MYO18B: variants seen among roughly 807,000 people sequenced by gnomAD.
MYO18B encodes the protein unconventional myosin-XVIIIb.
MYO18B carries 204 observed loss-of-function variants against 273.0 expected under a neutral mutation model. The observed-to-expected ratio is 0.75, with a 90% CI of 0.67 to 0.84. The LOEUF (loss-of-function observed/expected upper bound fraction) is 0.84, where lower values mean the gene tolerates loss of function less well. Among genes scored for constraint, MYO18B ranks in the 40% least tolerant of loss-of-function variants. MYO18B has a pLI of 0.00. For synonymous variants in MYO18B, 1,330 were observed against 1,305.7 expected, an observed-to-expected ratio of 1.02 and a Z score of -0.40; for missense variants, 3,212 against 3,287.6, an observed-to-expected ratio of 0.98 and a Z score of 0.56.
chr22:25,906,119 T>C (rs1465504306), intron 31 of MYO18B, among the ~76,000 whole-genome samples: 1 of 152,204 alleles, frequency 6.6e-6, no homozygotes. Context: ...TTCATCCGTC[T>C]TCAGCTTCAC....
Position 25,772,469 on chromosome 22 carries a change from G to T in MYO18B, c.1828G>T (p.Val610Phe), listed in dbSNP as rs1249535960. ...LHTCTGPDLI[V>F]LQPRGPSVPS... ...CACCTGCACAGGGCCTGATCTGATTGTCCTCCAGCCCCGGGGGCCCTCGGT... is the reference window on the plus strand; with the variant it reads ...CACCTGCACAGGGCCTGATCTGATTTTCCTCCAGCCCCGGGGGCCCTCGGT... Residue 610 changes from valine to phenylalanine, a missense_variant, in exon 7 of 44, where the codon GTC (valine) becomes TTC (phenylalanine). By Grantham distance (50) the Val-to-Phe change is conservative. Coordinates refer to ENST00000335473, the MANE Select transcript of MYO18B (RefSeq NM_032608.7). The T allele has an allele frequency of 4.3e-6, 7 of 1,613,854 alleles. No individual in the cohort carries two copies. Among genetic ancestry groups the T allele is most frequent in the Non-Finnish European group, 5.9e-6 (7 of 1,179,906 alleles).
In MYO18B at chr22:25,947,778, C is replaced by T; in HGVS notation, c.5698C>T (p.Gln1900Ter). ...ADLLKRIDED[Q>*]DDLNELMQKH... ...CCTCCTGAAGCGCATCGATGAGGAC[C>T]AGGATGACCTGAATGAGCTGATGCA... The change falls in exon 36 of 44, where the codon CAG becomes TAG. Residue 1900 changes from glutamine (Q) to a stop codon, truncating the protein, a stop_gained. Coordinates refer to ENST00000335473, the MANE Select transcript of MYO18B (RefSeq NM_032608.7). LOFTEE classifies it high-confidence loss of function. 6.2e-7 allele frequency: 1 copy of T among 1,613,840 alleles called. No homozygotes were observed. Among genetic ancestry groups the T allele is most frequent in the Non-Finnish European group, 8.5e-7 (1 of 1,179,874 alleles).
At chr22:25,851,440 C>G in intron 20 of MYO18B, 30 bp from the exon 21 acceptor site, 1 of 1,464,520 alleles carries the variant, frequency 6.8e-7, no homozygotes, top group Non-Finnish European at 9.4e-7. Context: ...GGACTCTGTG[C>G]TCTTCTCCTG....
intron 12 of MYO18B, among the ~76,000 whole-genome samples, chr22:25,817,351 TTC>T (rs2089071985): frequency 6.6e-6 from 1 of 150,792 alleles, no homozygotes; most frequent in Non-Finnish European, 1.5e-5. Context: ...CTCTCTTTCT[TTC>T]TTTCTCTCTC....
At chr22:25,891,038 T>C (rs142584806) in intron 26 of MYO18B, among the ~76,000 whole-genome samples, 163 bp downstream of exon 26, 219 of 152,334 alleles carry the variant, frequency 1.4e-3, no homozygotes, top group African/African-American at 5.1e-3. Context: ...CTCCTAAGGC[T>C]TGGCCTTGGG....
intron 1 of MYO18B, among the ~76,000 whole-genome samples, chr22:25,748,951 G>T (rs150355558): frequency 5.9e-4 from 90 of 152,250 alleles, no homozygotes; most frequent in African/African-American, 2.0e-3. Flanking sequence ...ATGGAATCAT[G>T]AGTCTCTTTT....
chr22:25,867,582 A>G (rs887348598), intron 21 of MYO18B, among the ~76,000 whole-genome samples: 5 of 152,130 alleles, frequency 3.3e-5, no homozygotes, highest in African/African-American at 1.2e-4. Context: ...TAATGCTGCT[A>G]TGAACACAAA....
At position 25,792,497 on chromosome 22, in the gene MYO18B, C is replaced by CTTTTTTTTTTTTTTTTTTT. The variant is rs58679561; in HGVS notation, c.2377-5440_2377-5439insTTTTTTTTTTTTTTTTTTT. ...GTGATGTTTCTTTTTTTTTTCTTTT[C>CTTTTTTTTTTTTTTTTTTT]TTTTTTTTTTTTTTTTGAGACAGAG... On this transcript the variant is annotated intron_variant, in intron 11 of 43. Coordinates refer to ENST00000335473, the MANE Select transcript of MYO18B (RefSeq NM_032608.7). Among the ~76,000 whole-genome samples, 14 of 107,952 alleles carry CTTTTTTTTTTTTTTTTTTT rather than the reference C, an allele frequency of 1.3e-4. 1 individual carries two copies. Among genetic ancestry groups the CTTTTTTTTTTTTTTTTTTT allele is most frequent in the East Asian group, 3.1e-4 (1 of 3,208 alleles). The allele number at this position is 107,952 out of a possible 152,430, so 70.8% of individuals were successfully genotyped here.
chr22:25,869,474 G>A lies in MYO18B; in HGVS notation c.3951+1089G>A, dbSNP rs6004806. ...CAAAAAAAAAAAAAAAAAAAAAAAA[G>A]AAGGAAGGAAGGAAGGAAGGAGGGA... On this transcript the variant is annotated intron_variant, in intron 22 of 43. Transcript: ENST00000335473. 4.2e-3 allele frequency among the ~76,000 whole-genome samples: 397 copies of A among 93,530 alleles called. 3 individuals carry two copies. The highest frequency in any genetic ancestry group is 0.011 in the East Asian group (26 of 2,404). The allele number at this position is 93,530 out of a possible 152,430, so 61.4% of individuals were successfully genotyped here. A position where few individuals can be genotyped will look rare whatever the true frequency, so the allele number is the denominator to read the frequency against.
intron 20 of MYO18B, among the ~76,000 whole-genome samples, chr22:25,849,549 G>A (rs1272509225): frequency 2.0e-5 from 3 of 152,132 alleles, no homozygotes; most frequent in Admixed American, 2.0e-4. Context: ...CTACGTACTA[G>A]ACACTGTGTT....
chr22:25,764,116 T>G (rs1023267358), intron 3 of MYO18B, among the ~76,000 whole-genome samples: 3 of 152,226 alleles, frequency 2.0e-5, no homozygotes, highest in African/African-American at 7.2e-5. Context: ...GGAACCTCAG[T>G]ACCTTCCTCC....
At chr22:25,798,740 A>AT (rs112054980) in intron 12 of MYO18B, among the ~76,000 whole-genome samples, 2,937 of 151,650 alleles carry the variant, frequency 0.019, 120 homozygotes, top group African/African-American at 0.067. Context: ...ATATTTTTTT[A>AT]TTTTTTTGTA....
At chr22:26,006,055 T>C (rs923463287) in intron 42 of MYO18B, among the ~76,000 whole-genome samples, 1 of 152,244 alleles carries the variant, frequency 6.6e-6, no homozygotes, top group Non-Finnish European at 1.5e-5. Context: ...ACTTTATCTC[T>C]TCTGAAAACT....
At position 25,846,086 on chromosome 22, in the gene MYO18B, C is replaced by T. The variant is rs189613821; in HGVS notation, c.3369-14C>T. 289 of 1,512,404 alleles carry T rather than the reference C, an allele frequency of 1.9e-4. No individual in the cohort carries two copies. Among genetic ancestry groups the T allele is most frequent in the Non-Finnish European group, 1.8e-4 (207 of 1,134,988 alleles). 93.7% of individuals were successfully genotyped at this position (1,512,404 alleles called of 1,614,324 possible). ...CTCCTAAAGCTCCTCTCTCTTTTCC[C>T]TCCTCCCCACCAGAGAGGAGCTGCG... On this transcript the variant is annotated splice_polypyrimidine_tract_variant and intron_variant, in intron 18 of 43. Coordinates refer to ENST00000335473, the MANE Select transcript of MYO18B (RefSeq NM_032608.7).
At chr22:25,806,352 C>G (rs5761229) in intron 12 of MYO18B, among the ~76,000 whole-genome samples, 3,228 of 152,304 alleles carry the variant, frequency 0.021, 75 homozygotes, top group East Asian at 0.1. Flanking sequence ...CAGGTGGCTC[C>G]TGGGCTTAGT....
chr22:25,873,626 G>C (rs1009220742), intron 22 of MYO18B, among the ~76,000 whole-genome samples: 1 of 152,122 alleles, frequency 6.6e-6, no homozygotes, highest in African/African-American at 2.4e-5. Flanking sequence ...TTTTAGTAGA[G>C]ACGGAGTTTC....
At chr22:25,860,714 T>C (rs1011054644) in intron 21 of MYO18B, among the ~76,000 whole-genome samples, 6 of 152,196 alleles carry the variant, frequency 3.9e-5, no homozygotes, top group African/African-American at 1.2e-4. Context: ...TACTTTTAAA[T>C]TTATTTTTGT....
chr22:25,960,150 A>G (rs943609036), intron 39 of MYO18B, among the ~76,000 whole-genome samples: 2 of 152,128 alleles, frequency 1.3e-5, no homozygotes, highest in South Asian at 2.1e-4. Flanking sequence ...AAAAAGAAAA[A>G]TGAGGTTTTC....
intron 17 of MYO18B, among the ~76,000 whole-genome samples, chr22:25,840,787 T>C (rs1322421711): frequency 1.3e-5 from 2 of 152,112 alleles, no homozygotes; most frequent in Non-Finnish European, 2.9e-5. Flanking sequence ...GGGATTTGGC[T>C]AGATTTGTGG....
Sources: allele counts gnomAD v4.1 joint callset (sites outside exome capture counted in the v4.1 genomes callset), GRCh38; gene constraint gnomAD v4.1.1; transcripts MANE v1.5; gene names NCBI Gene and HGNC (gene_info 2026-07-23, HGNC 2026-07-21).